Variants in CNNM4 observed in about 807,000 individuals in gnomAD.
The protein encoded by CNNM4 is cyclin and CBS domain divalent metal cation transport mediator 4.
Under a neutral mutation model 53.7 loss-of-function variants are expected in CNNM4, and 32 were observed. That is an observed-to-expected ratio of 0.60 (90% CI 0.45 to 0.80). The LOEUF (loss-of-function observed/expected upper bound fraction) is 0.80. Ranked by LOEUF, CNNM4 falls within the 30% of genes least tolerant of loss-of-function variation. The probability of loss-of-function intolerance (pLI) is 0.00; values close to 1 mark genes in which losing one functional copy is unlikely to be tolerated. For synonymous variants in CNNM4, 410 were observed against 440.0 expected, an observed-to-expected ratio of 0.93 and a Z score of 0.85; for missense variants, 784 against 1,022.0, an observed-to-expected ratio of 0.77 and a Z score of 3.17.
intron 1 of CNNM4, among the ~76,000 whole-genome samples, chr2:96,782,694 T>G (rs1231731309): frequency 6.6e-6 from 1 of 152,206 alleles, no homozygotes; most frequent in Admixed American, 6.5e-5. Flanking sequence ...TTTAGTAGTT[T>G]GTAAACATTT....
intron 5 of CNNM4, among the ~76,000 whole-genome samples, chr2:96,806,309 C>T (rs1204861012): frequency 6.6e-6 from 1 of 151,928 alleles, no homozygotes; most frequent in South Asian, 2.1e-4. Flanking sequence ...CTTTTGATAA[C>T]GTCAGTCATA....
In CNNM4 at chr2:96,799,212, A is replaced by T; in HGVS notation, c.1837A>T (p.Ile613Phe). 5.0e-6 allele frequency: 8 copies of T among 1,614,180 alleles called. No individual in the cohort carries two copies. Among genetic ancestry groups the T allele is most frequent in the Non-Finnish European group, 6.8e-6 (8 of 1,180,024 alleles). The part of the protein sequence containing the change: ...YTRNKPADYF[I>F]LILQGKVEVE... ...CCGAAATAAGCCGGCCGACTACTTC[A>T]TCCTCATCCTGCAGGTGAGCCCGCT... Residue 613 changes from isoleucine (I) to phenylalanine (F), a missense_variant, in exon 4 of 7, where the codon ATC becomes TTC. Coordinates refer to ENST00000377075, the MANE Select transcript of CNNM4 (RefSeq NM_020184.4).
chr2:96,774,523 G>A (rs1277398068), intron 1 of CNNM4, among the ~76,000 whole-genome samples: 1 of 152,164 alleles, frequency 6.6e-6, no homozygotes, highest in African/African-American at 2.4e-5. Flanking sequence ...TCCTCCAAGT[G>A]CTGTAGATGG....
At chr2:96,790,301 C>T (rs555638986) in intron 1 of CNNM4, among the ~76,000 whole-genome samples, 6 of 151,916 alleles carry the variant, frequency 3.9e-5, no homozygotes, top group East Asian at 3.9e-4. Flanking sequence ...CCACCGCACC[C>T]GGCCTAGAAT....
chr2:96,777,525 G>A (rs1047735201), intron 1 of CNNM4, among the ~76,000 whole-genome samples: 1 of 151,010 alleles, frequency 6.6e-6, no homozygotes, highest in African/African-American at 2.5e-5. Context: ...CTTTGAGACA[G>A]AGTCTTGCTT....
chr2:96,800,534 A>G lies in CNNM4; in HGVS notation c.1948+886A>G, dbSNP rs1021940405. The stretch of plus-strand genomic sequence containing the variant: ...TACTGACACCCAGCTTGGCTTATCC[A>G]CCATGTCCTCGGCCCCTCCACCAGA... On this transcript the variant is annotated intron_variant, in intron 5 of 6. Coordinates refer to ENST00000377075, the MANE Select transcript of CNNM4 (RefSeq NM_020184.4). The surrounding 1 kb of genome is among the most constrained non-coding windows in gnomAD (Gnocchi z 4.6). Among the ~76,000 whole-genome samples the G allele has an allele frequency of 6.6e-6, 1 of 152,126 alleles. No individual in the cohort carries two copies. Among genetic ancestry groups the G allele is most frequent in the African/African-American group, 2.4e-5 (1 of 41,432 alleles).
At chr2:96,784,875 A>G (rs1046276176) in intron 1 of CNNM4, among the ~76,000 whole-genome samples, 1 of 152,090 alleles carries the variant, frequency 6.6e-6, no homozygotes, top group Non-Finnish European at 1.5e-5. Flanking sequence ...AGCTATCTTT[A>G]TGGGGCTATT....
At chr2:96,788,294 T>G (rs1215709567) in intron 1 of CNNM4, among the ~76,000 whole-genome samples, 18 of 150,576 alleles carry the variant, frequency 1.2e-4, no homozygotes, top group Admixed American at 1.2e-3. Context: ...TCACTCTGTC[T>G]CAGAGTCTAG....
At chr2:96,798,730 C>T (rs1452498186) in intron 3 of CNNM4, among the ~76,000 whole-genome samples, 3 of 152,164 alleles carry the variant, frequency 2.0e-5, no homozygotes, top group African/African-American at 7.2e-5. Context: ...CTATCCCATT[C>T]ACCCTCACAA....
chr2:96,803,627 G>A (rs2079177206), intron 5 of CNNM4, among the ~76,000 whole-genome samples: 1 of 151,946 alleles, frequency 6.6e-6, no homozygotes, highest in Non-Finnish European at 1.5e-5. Flanking sequence ...TTGGGAGGCT[G>A]AGGCAAGAGA....
At chr2:96,768,404 G>A (rs2153344163) in intron 1 of CNNM4, among the ~76,000 whole-genome samples, 1 of 152,294 alleles carries the variant, frequency 6.6e-6, no homozygotes, top group South Asian at 2.1e-4. Context: ...GTCTACCAAG[G>A]AGAGAGACAC....
intron 1 of CNNM4, 56 bp downstream of exon 1, chr2:96,762,457 T>C: frequency 6.6e-7 from 1 of 1,507,012 alleles, no homozygotes; most frequent in Non-Finnish European, 9.2e-7. Flanking sequence ...TCTTTTCCCC[T>C]GGCGTGTTTT....
At chr2:96,796,308 C>A (rs190836506) in intron 1 of CNNM4, among the ~76,000 whole-genome samples, 1 of 151,796 alleles carries the variant, frequency 6.6e-6, no homozygotes, top group African/African-American at 2.4e-5. Flanking sequence ...CCACACCTAG[C>A]TGATTTTTGT....
chr2:96,806,536 C>CGCGA (rs2079209944), intron 5 of CNNM4, among the ~76,000 whole-genome samples: 2 of 102,362 alleles, frequency 2.0e-5, no homozygotes, highest in African/African-American at 4.6e-5. Flanking sequence ...CACACACACA[C>CGCGA]GCGCGCGCGC....
At chr2:96,807,832 T>C (rs2079223183) in intron 5 of CNNM4, among the ~76,000 whole-genome samples, 1 of 152,172 alleles carries the variant, frequency 6.6e-6, no homozygotes, top group Non-Finnish European at 1.5e-5. Flanking sequence ...ATATTTTTTA[T>C]TTAAAAGTAT....
chr2:96,790,003 ATT>A (rs1014369887), intron 1 of CNNM4, among the ~76,000 whole-genome samples: 5 of 61,716 alleles, frequency 8.1e-5, no homozygotes, highest in Admixed American at 2.5e-4. Context: ...CCGGGCTAGA[ATT>A]TTTTTTTTTT....
At position 96,762,280 on chromosome 2, in the gene CNNM4, G is replaced by A; in HGVS notation, c.1281G>A (p.Leu427=). ...NIVDILYVKD[L]AFVDPDDCTP... ...TAGATATTCTCTACGTCAAAGACTT[G>A]GCCTTTGTGGACCCCGATGACTGCA... The change falls in exon 1 of 7, where the codon TTG becomes TTA. Residue 427 remains leucine, a synonymous_variant. Coordinates refer to ENST00000377075, the MANE Select transcript of CNNM4 (RefSeq NM_020184.4). 1 of 1,614,150 alleles carries A rather than the reference G, an allele frequency of 6.2e-7. No individual in the cohort carries two copies.
At chr2:96,783,057 T>TA (rs942584425) in intron 1 of CNNM4, among the ~76,000 whole-genome samples, 3 of 151,552 alleles carry the variant, frequency 2.0e-5, no homozygotes, top group Admixed American at 6.6e-5. Context: ...AAATTATAAA[T>TA]AAAAAAAAAT....
chr2:96,775,474 G>T (rs2078916172), intron 1 of CNNM4, among the ~76,000 whole-genome samples: 1 of 152,028 alleles, frequency 6.6e-6, no homozygotes, highest in African/African-American at 2.4e-5. Context: ...TTGCAGTTTG[G>T]GACTATTACA....
Sources: allele counts gnomAD v4.1 joint callset (sites outside exome capture counted in the v4.1 genomes callset), GRCh38; gene constraint gnomAD v4.1.1; non-coding constraint Gnocchi (gnomAD v3.1); transcripts MANE v1.5; gene names NCBI Gene and HGNC (gene_info 2026-07-23, HGNC 2026-07-21).